The following NRXN1 variants were observed in gnomAD, a reference collection of about 807,000 sequenced individuals.
The protein encoded by NRXN1 is neurexin 1.
In NRXN1, 39 loss-of-function variants were observed where a neutral mutation model predicts 150.9. The ratio of observed to expected loss-of-function variants is 0.26; its 90% CI spans 0.20 to 0.34. The LOEUF (loss-of-function observed/expected upper bound fraction) is 0.34. Among genes scored for constraint, NRXN1 ranks in the 10% least tolerant of loss-of-function variants. NRXN1 has a pLI of 1.00. For missense variants in NRXN1, 1,815 were observed against 1,949.9 expected, an observed-to-expected ratio of 0.93 and a Z score of 1.30; for synonymous variants, 924 against 757.0, an observed-to-expected ratio of 1.22 and a Z score of -3.62.
chr2:50,782,285 C>T (rs1432685453), intron 5 of NRXN1, among the ~76,000 whole-genome samples: 1 of 151,874 alleles, frequency 6.6e-6, no homozygotes, highest in Non-Finnish European at 1.5e-5. Flanking sequence ...CCTGGCCAAC[C>T]TGGTGAAATC....
At chr2:50,348,147 T>C (rs1045856246) in intron 17 of NRXN1, among the ~76,000 whole-genome samples, 6 of 152,210 alleles carry the variant, frequency 3.9e-5, no homozygotes, top group African/African-American at 1.2e-4. Flanking sequence ...AAACTCAATC[T>C]GCTAAATATG....
chr2:50,802,443 G>A (rs1254643993), intron 5 of NRXN1, among the ~76,000 whole-genome samples: 2 of 151,468 alleles, frequency 1.3e-5, no homozygotes, highest in African/African-American at 2.4e-5. Flanking sequence ...AGTGAGCTGA[G>A]ATCGCACCAT....
chr2:49,919,282 T>G lies in NRXN1; in HGVS notation c.*2662A>C, dbSNP rs1355037164. ...CATTTTCTCTTTCTAACTCTGTTCC[T>G]CTCTTTTCTTTTTCCATTGAGGAAA... On this transcript the variant is annotated 3_prime_UTR_variant, in exon 23 of 23. Coordinates refer to ENST00000401669, the MANE Select transcript of NRXN1 (RefSeq NM_001330078.2). 6.6e-6 allele frequency: 1 copy of G among 152,122 alleles called. No homozygotes were observed. The highest frequency in any genetic ancestry group is 2.4e-5 in the African/African-American group (1 of 41,452). The allele number at this position is 152,122 out of a possible 1,614,324, so 9.4% of individuals were successfully genotyped here. A position where few individuals can be genotyped will look rare whatever the true frequency, so the allele number is the denominator to read the frequency against.
At chr2:50,762,650 G>C (rs184797850) in intron 5 of NRXN1, among the ~76,000 whole-genome samples, 40 of 151,950 alleles carry the variant, frequency 2.6e-4, no homozygotes, top group African/African-American at 7.5e-4. Context: ...CTGTATCAAT[G>C]TTGCTGCAAA....
chr2:50,831,823 T>C (rs957497701), intron 5 of NRXN1, among the ~76,000 whole-genome samples: 15 of 152,216 alleles, frequency 9.9e-5, no homozygotes, highest in African/African-American at 3.6e-4. Context: ...AACTAGATTG[T>C]ACTTTTCCCA....
At chr2:50,768,974 T>C (rs1702685439) in intron 5 of NRXN1, among the ~76,000 whole-genome samples, 1 of 151,732 alleles carries the variant, frequency 6.6e-6, no homozygotes, top group South Asian at 2.1e-4. Flanking sequence ...CGAAAACTTC[T>C]TGGGATTTTC....
chr2:51,030,408 G>T (rs912804658), intron 1 of NRXN1, among the ~76,000 whole-genome samples: 1 of 151,944 alleles, frequency 6.6e-6, no homozygotes, highest in Non-Finnish European at 1.5e-5. Context: ...TTCTCCATGG[G>T]GGGAGCTGAG....
At chr2:50,026,300 A>G (rs1266113887) in intron 21 of NRXN1, among the ~76,000 whole-genome samples, 1 of 152,188 alleles carries the variant, frequency 6.6e-6, no homozygotes, top group African/African-American at 2.4e-5. Flanking sequence ...TTCTTTAGCA[A>G]CTTTGGCCCT....
chr2:51,005,467 A>G lies in NRXN1; in HGVS notation c.772+22035T>C, dbSNP rs988460842. Among the ~76,000 whole-genome samples, 7 of 152,008 alleles carry G rather than the reference A, an allele frequency of 4.6e-5. No individual in the cohort carries two copies. In the East Asian group the frequency reaches 1.4e-3, roughly 29 times the overall value. On this transcript the variant is annotated intron_variant, in intron 2 of 22. Transcript: ENST00000401669. ...ACAGAAAAGCTATCCTTCAAAAATGAAAAAGAAATAAAATATTTAACAGAT... is the reference window on the plus strand; with the variant it reads ...ACAGAAAAGCTATCCTTCAAAAATGGAAAAGAAATAAAATATTTAACAGAT...
intron 18 of NRXN1, among the ~76,000 whole-genome samples, chr2:50,095,099 C>T (rs765717083): frequency 1.3e-5 from 2 of 152,156 alleles, no homozygotes; most frequent in African/African-American, 2.4e-5. Flanking sequence ...TCGTGCTCCT[C>T]CCAGTGCAAG....
At position 50,552,938 on chromosome 2, in the gene NRXN1, C is replaced by T. The variant is rs756317693; in HGVS notation, c.1408G>A (p.Ala470Thr). The change falls in exon 9 of 23, where the codon GCA (alanine) becomes ACA (threonine). Residue 470 changes from alanine (A) to threonine (T), a missense_variant. Transcript: ENST00000401669. ...DPKMKIHGVV[A>T]FKCENVATLD... ...GTTGCAACATTCTCACATTTAAATG[C>T]CACCACTCCATGGATCTTCATCTTA... is the stretch of plus-strand genomic sequence containing the variant. 4.3e-6 allele frequency: 7 copies of T among 1,613,590 alleles called. No homozygotes were observed. The highest frequency in any genetic ancestry group is 1.6e-4 in the Middle Eastern group (1 of 6,084).
intron 17 of NRXN1, among the ~76,000 whole-genome samples, chr2:50,358,424 A>C (rs1021679251): frequency 6.6e-6 from 1 of 152,180 alleles, no homozygotes; most frequent in African/African-American, 2.4e-5. Flanking sequence ...CTGAGGCTTG[A>C]GTAGGTGGTT....
In NRXN1 at chr2:50,347,085, T is replaced by C. The variant is rs1240353279; in HGVS notation, c.3365-110115A>G. 9 of 1,383,238 alleles carry C rather than the reference T, an allele frequency of 6.5e-6. No homozygotes were observed. Among genetic ancestry groups the C allele is most frequent in the South Asian group, 6.1e-5 (5 of 82,030 alleles). 85.7% of individuals were successfully genotyped at this position (1,383,238 alleles called of 1,614,324 possible). On this transcript the variant is annotated intron_variant, in intron 17 of 22. Coordinates refer to ENST00000401669, the MANE Select transcript of NRXN1 (RefSeq NM_001330078.2). The surrounding 1 kb of genome is among the most constrained non-coding windows in gnomAD (Gnocchi z 4.9). Reference sequence around the variant, plus strand: ...CCTCACCGCGCCAGGGCACCCATCCTCTCCCTCCTTCGGACAGTCTTCTCG... The same window carrying C: ...CCTCACCGCGCCAGGGCACCCATCCCCTCCCTCCTTCGGACAGTCTTCTCG...
In NRXN1 at chr2:49,978,600, C is replaced by T. The variant is rs571005494; in HGVS notation, c.4129-34809G>A. Among the ~76,000 whole-genome samples the T allele has an allele frequency of 4.7e-5, 7 of 150,278 alleles. No homozygotes were observed. In the South Asian group the frequency reaches 1.3e-3, roughly 27 times the overall value. On this transcript the variant is annotated intron_variant, in intron 21 of 22. Coordinates refer to ENST00000401669, the MANE Select transcript of NRXN1 (RefSeq NM_001330078.2). The stretch of plus-strand genomic sequence containing the variant: ...ACTAGGACACTGGAGCAGCTTTAAG[C>T]AAAGCTAATGCCTTTGTTGCAAAGG...
chr2:50,519,214 C>T (rs961402962), intron 12 of NRXN1, among the ~76,000 whole-genome samples: 11 of 151,840 alleles, frequency 7.2e-5, no homozygotes, highest in Non-Finnish European at 1.5e-4. Context: ...TTTTTCTAAG[C>T]AATGATATAA....
intron 2 of NRXN1, among the ~76,000 whole-genome samples, chr2:50,975,017 G>A (rs963913315): frequency 1.3e-5 from 2 of 151,546 alleles, no homozygotes; most frequent in Non-Finnish European, 2.9e-5. Flanking sequence ...TGGTTCCAGG[G>A]CCCCCTGGAA....
chr2:50,645,431 G>A (rs1327442380), intron 5 of NRXN1, among the ~76,000 whole-genome samples: 2 of 151,808 alleles, frequency 1.3e-5, no homozygotes, highest in Non-Finnish European at 2.9e-5. Flanking sequence ...TCTTTAGCAG[G>A]CTTTAGTTTT....
rs889745846 is a variant in NRXN1, at chr2:50,381,534, C to T, written c.3364+83908G>A. 3.8e-3 allele frequency among the ~76,000 whole-genome samples: 533 copies of T among 140,682 alleles called. 2 individuals carry two copies. The highest frequency in any genetic ancestry group is 0.014 in the African/African-American group (495 of 35,850). The allele number at this position is 140,682 out of a possible 152,430, so 92.3% of individuals were successfully genotyped here. ...ACTCAGGCTTTTAAACACACACACA[C>T]ACACACACACACACACACACACACA... On this transcript the variant is annotated intron_variant, in intron 17 of 22. Coordinates refer to ENST00000401669, the MANE Select transcript of NRXN1 (RefSeq NM_001330078.2).
At chr2:50,411,747 T>C (rs2083197048) in intron 17 of NRXN1, among the ~76,000 whole-genome samples, 1 of 151,546 alleles carries the variant, frequency 6.6e-6, no homozygotes, top group South Asian at 2.1e-4. Context: ...GGGGGGCGCC[T>C]CTGCCCGGCC....
Sources: allele counts gnomAD v4.1 joint callset (sites outside exome capture counted in the v4.1 genomes callset), GRCh38; gene constraint gnomAD v4.1.1; non-coding constraint Gnocchi (gnomAD v3.1); transcripts MANE v1.5; gene names NCBI Gene and HGNC (gene_info 2026-07-23, HGNC 2026-07-21).